FBN1: variants seen among roughly 807,000 people sequenced by gnomAD.
FBN1 encodes the protein fibrillin 1.
A neutral mutation model predicts 365.1 loss-of-function variants in FBN1; 29 were observed. That is an observed-to-expected ratio of 0.08 (90% CI 0.06 to 0.11). FBN1 has a LOEUF of 0.11. Among genes scored for constraint, FBN1 ranks in the 10% least tolerant of loss-of-function variants. The pLI is 1.00. For missense variants in FBN1, 2,476 were observed against 3,703.2 expected, an observed-to-expected ratio of 0.67 and a Z score of 8.60; for synonymous variants, 1,210 against 1,270.5, an observed-to-expected ratio of 0.95 and a Z score of 1.01.
chr15:48,564,055 TC>T (rs2044242708), intron 6 of FBN1, among the ~76,000 whole-genome samples: 2 of 152,132 alleles, frequency 1.3e-5, no homozygotes. Context: ...AGCATCTGGA[TC>T]CTTTTATATA....
intron 4 of FBN1, among the ~76,000 whole-genome samples, chr15:48,609,116 C>T (rs12591400): frequency 0.12 from 17,756 of 152,270 alleles, 1,220 homozygotes; most frequent in Non-Finnish European, 0.15. Context: ...CTTATAGAGA[C>T]GGAGATGTCC....
intron 2 of FBN1, among the ~76,000 whole-genome samples, chr15:48,627,022 G>A (rs2028110): frequency 3.3e-5 from 5 of 152,014 alleles, no homozygotes; most frequent in African/African-American, 7.3e-5. Context: ...CAATGGAAAC[G>A]TCATAAATCC....
chr15:48,443,454 G>T (rs935355759), intron 49 of FBN1, among the ~76,000 whole-genome samples: 12 of 151,952 alleles, frequency 7.9e-5, no homozygotes, highest in African/African-American at 2.9e-4. Flanking sequence ...GTTCAATTTA[G>T]CGAACTTATG....
chr15:48,437,552 T>C (rs1051549707), intron 51 of FBN1, 165 bp from the exon 52 acceptor site: 1 of 805,926 alleles, frequency 1.2e-6, no homozygotes, highest in East Asian at 2.7e-5. Context: ...CTCCCTAAGA[T>C]GTTGTGTCTA....
chr15:48,410,823 G>A lies in FBN1; in HGVS notation c.*167C>T, dbSNP rs2042854589. 1.5e-6 allele frequency: 1 copy of A among 661,952 alleles called. No individual in the cohort carries two copies. Among genetic ancestry groups the A allele is most frequent in the South Asian group, 2.0e-5 (1 of 49,904 alleles). The allele number at this position is 661,952 out of a possible 1,614,324, so 41.0% of individuals were successfully genotyped here. On this transcript the variant is annotated 3_prime_UTR_variant, in exon 66 of 66. Transcript: ENST00000316623. ...GAGAAAGTGGTTGTTTTGAACTAGG[G>A]TAGTCACCTGTACCTTGCTTTGGTA...
intron 49 of FBN1, 50 bp downstream of exon 49, chr15:48,444,490 TC>T (rs2043138539): frequency 4.3e-6 from 7 of 1,609,246 alleles, no homozygotes; most frequent in Non-Finnish European, 6.0e-6. Flanking sequence ...TTCTGCTAAG[TC>T]CAGTGGACAC....
chr15:48,595,435 A>C (rs987101330), intron 6 of FBN1, among the ~76,000 whole-genome samples: 1 of 152,218 alleles, frequency 6.6e-6, no homozygotes, highest in Non-Finnish European at 1.5e-5. Flanking sequence ...TTATAAAACT[A>C]GGGATGATGA....
intron 2 of FBN1, among the ~76,000 whole-genome samples, chr15:48,623,165 G>A (rs1306029444): frequency 6.6e-6 from 1 of 152,042 alleles, no homozygotes; most frequent in Non-Finnish European, 1.5e-5. Context: ...TTGACTAAAG[G>A]CAATAGTGAG....
At chr15:48,429,531 G>A (rs1012937559) in intron 56 of FBN1, among the ~76,000 whole-genome samples, 2 of 152,210 alleles carry the variant, frequency 1.3e-5, no homozygotes, top group African/African-American at 4.8e-5. Flanking sequence ...CACTAGGAAA[G>A]AGAGAAAGTT....
At chr15:48,426,347 G>C (rs1285481133) in intron 58 of FBN1, among the ~76,000 whole-genome samples, 2 of 151,954 alleles carry the variant, frequency 1.3e-5, no homozygotes, top group Non-Finnish European at 2.9e-5. Context: ...TGTTGTCTTT[G>C]TGGTTAATCC....
intron 6 of FBN1, among the ~76,000 whole-genome samples, chr15:48,592,064 T>C (rs2044481289): frequency 6.6e-6 from 1 of 152,224 alleles, no homozygotes; most frequent in Non-Finnish European, 1.5e-5. Context: ...CCTGGCACAC[T>C]GCAAGTACTC....
At chr15:48,637,834 T>G (rs1597648372) in intron 2 of FBN1, among the ~76,000 whole-genome samples, 1 of 152,216 alleles carries the variant, frequency 6.6e-6, no homozygotes, top group African/African-American at 2.4e-5. Context: ...TCAGAGGTTG[T>G]TAAACTTTTT....
chr15:48,500,730 G>A (rs938705574), intron 17 of FBN1, among the ~76,000 whole-genome samples: 15 of 152,098 alleles, frequency 9.9e-5, no homozygotes, highest in Admixed American at 8.5e-4. Context: ...TTACACTCCC[G>A]TGGGTTTAAC....
At position 48,480,500 on chromosome 15, in the gene FBN1, T is replaced by G. The variant is rs989582967; in HGVS notation, c.3964+1155A>C. On this transcript the variant is annotated intron_variant, in intron 32 of 65. Transcript: ENST00000316623. Reference sequence around the variant, plus strand: ...GACAGGCTTCATGTAAGGAGTAGCATAGTGAAAATGAAAACATTCCAGCTT... The same window carrying G: ...GACAGGCTTCATGTAAGGAGTAGCAGAGTGAAAATGAAAACATTCCAGCTT... Among the ~76,000 whole-genome samples, 5 of 152,150 alleles carry G rather than the reference T, an allele frequency of 3.3e-5. No individual in the cohort carries two copies. In the East Asian group the frequency reaches 9.6e-4, roughly 29 times the overall value.
rs978558 is a variant in FBN1 at position 48,427,504 on chromosome 15, G to T, written c.7204+63C>A. ...TTGCAAACTCCATATTTTCATCTGT[G>T]TTTCACACAAAAAACAAATAAATAG... On this transcript the variant is annotated intron_variant, in intron 58 of 65. Transcript: ENST00000316623. 0.017 allele frequency: 25,651 copies of T among 1,534,416 alleles called. 615 individuals are homozygous for T. The highest frequency in any genetic ancestry group is 0.1 in the East Asian group (4,608 of 44,322).
chr15:48,497,197 T>C (rs2043615255), intron 19 of FBN1, 69 bp downstream of exon 19: 2 of 1,602,898 alleles, frequency 1.2e-6, no homozygotes, highest in Non-Finnish European at 1.7e-6. Flanking sequence ...AAAGGCAGTT[T>C]TCTCCCAGCA....
chr15:48,493,663 G>T (rs185105280), intron 23 of FBN1, among the ~76,000 whole-genome samples: 1 of 152,272 alleles, frequency 6.6e-6, no homozygotes, highest in Non-Finnish European at 1.5e-5. Flanking sequence ...TCCCACATAT[G>T]GGACTAATTG....
chr15:48,436,722 G>A (rs910166622), intron 53 of FBN1, among the ~76,000 whole-genome samples: 1 of 152,100 alleles, frequency 6.6e-6, no homozygotes, highest in African/African-American at 2.4e-5. Context: ...CCATTAGGCT[G>A]TAAGGTCCAT....
rs1227238503 is a variant in FBN1 at position 48,472,543 on chromosome 15, T to A, written c.4336+8A>T. The A allele has an allele frequency of 1.3e-6, 2 of 1,584,808 alleles. No individual in the cohort carries two copies. The highest frequency in any genetic ancestry group is 2.7e-5 in the African/African-American group (2 of 73,040). On this transcript the variant is annotated splice_region_variant and intron_variant, in intron 35 of 65. Transcript: ENST00000316623. ...AGCAAGGCTCCCAGTGGCTTCCCCA[T>A]CAGTTACCTTCACAGGCTTTCCCGT... is the stretch of plus-strand genomic sequence containing the variant.
Sources: gnomAD v4.1 joint callset for allele counts (sites outside exome capture counted in the v4.1 genomes callset) on GRCh38, gnomAD v4.1.1 for gene constraint, MANE v1.5 for transcripts, NCBI Gene and HGNC (gene_info 2026-07-23, HGNC 2026-07-21) for gene names.